The following CSMD3 variants were observed in gnomAD, a reference collection of about 807,000 sequenced individuals.
CSMD3 encodes the protein CUB and sushi domain-containing protein 3.
CSMD3 carries 177 observed loss-of-function variants against 435.2 expected under a neutral mutation model. The ratio of observed to expected loss-of-function variants is 0.41; its 90% CI spans 0.36 to 0.46. CSMD3 has a LOEUF of 0.46. Among genes scored for constraint, CSMD3 ranks in the 20% least tolerant of loss-of-function variants. CSMD3 has a pLI of 0.34. For synonymous variants in CSMD3, 1,656 were observed against 1,520.5 expected (o/e 1.09, Z -2.07); for missense variants, 4,265 against 4,504.6 (o/e 0.95, Z 1.52).
chr8:113,142,222 T>C (rs1449033110), intron 4 of CSMD3, among the ~76,000 whole-genome samples: 2 of 151,250 alleles, frequency 1.3e-5, no homozygotes, highest in Non-Finnish European at 3.0e-5. Context: ...TACTGTGATA[T>C]CTATAGAAAA....
chr8:112,297,298 A>G (rs1209275734), intron 53 of CSMD3, among the ~76,000 whole-genome samples: 3 of 151,732 alleles, frequency 2.0e-5, no homozygotes, highest in Non-Finnish European at 4.4e-5. Context: ...AAATGATTAT[A>G]AAGGACCAAA....
chr8:112,774,324 C>G (rs2132213758), intron 13 of CSMD3, among the ~76,000 whole-genome samples: 1 of 151,946 alleles, frequency 6.6e-6, no homozygotes, highest in East Asian at 1.9e-4. Flanking sequence ...AATTGTGGAA[C>G]TTATCTACAC....
At chr8:113,161,266 T>C (rs951408354) in intron 4 of CSMD3, among the ~76,000 whole-genome samples, 1 of 152,088 alleles carries the variant, frequency 6.6e-6, no homozygotes, top group East Asian at 1.9e-4. Flanking sequence ...CATTGGAAAG[T>C]TGCAAAGGTT....
chr8:112,636,538 T>TTCTTTCTA (rs761251750), intron 22 of CSMD3, among the ~76,000 whole-genome samples: 1 of 149,334 alleles, frequency 6.7e-6, no homozygotes, highest in Non-Finnish European at 1.5e-5. Flanking sequence ...TCTATCATAT[T>TTCTTTCTA]TCTATCTATC....
intron 13 of CSMD3, among the ~76,000 whole-genome samples, chr8:112,717,744 G>A (rs1007901693): frequency 6.6e-6 from 1 of 152,142 alleles, no homozygotes; most frequent in African/African-American, 2.4e-5. Context: ...AAAAAGGAAT[G>A]AGATCATGTC....
chr8:112,410,499 T>TAC (rs1252791870), intron 32 of CSMD3, among the ~76,000 whole-genome samples: 28 of 130,106 alleles, frequency 2.2e-4, no homozygotes, highest in African/African-American at 8.4e-4. Context: ...ACTCCAAATA[T>TAC]ATATATATAT....
intron 2 of CSMD3, chr8:113,313,191 T>C (rs745825295): frequency 6.6e-6 from 1 of 152,196 alleles, no homozygotes; most frequent in East Asian, 1.9e-4. Flanking sequence ...GTAGCGTAGA[T>C]TGCTCAAAAA....
chr8:113,094,061 A>G (rs956250346), intron 5 of CSMD3, among the ~76,000 whole-genome samples: 1 of 152,142 alleles, frequency 6.6e-6, no homozygotes, highest in Non-Finnish European at 1.5e-5. Context: ...TGCAACCTAC[A>G]TCTTACCAAT....
At chr8:113,130,329 G>C (rs1241193503) in intron 4 of CSMD3, among the ~76,000 whole-genome samples, 1 of 152,088 alleles carries the variant, frequency 6.6e-6, no homozygotes, top group Non-Finnish European at 1.5e-5. Flanking sequence ...GAGGCACCTG[G>C]TGGGAGGTGA....
chr8:112,737,460 G>C (rs1333741352), intron 13 of CSMD3, among the ~76,000 whole-genome samples: 1 of 151,892 alleles, frequency 6.6e-6, no homozygotes, highest in Non-Finnish European at 1.5e-5. Flanking sequence ...AGTACCTAAA[G>C]GCAGATTTTC....
intron 63 of CSMD3, among the ~76,000 whole-genome samples, chr8:112,252,278 T>A (rs114082836): frequency 2.8e-4 from 42 of 152,076 alleles, no homozygotes; most frequent in African/African-American, 9.4e-4. Flanking sequence ...ATTGAGATGA[T>A]CACTTTCTGT....
At chr8:113,234,143 G>T (rs1029735139) in intron 3 of CSMD3, among the ~76,000 whole-genome samples, 7 of 152,200 alleles carry the variant, frequency 4.6e-5, no homozygotes, top group Middle Eastern at 3.4e-3. Context: ...CAGAAGACAT[G>T]CAGAAATGTG....
chr8:113,175,122 C>T (rs973730564), intron 3 of CSMD3, among the ~76,000 whole-genome samples: 3 of 151,698 alleles, frequency 2.0e-5, no homozygotes, highest in African/African-American at 7.2e-5. Context: ...ATTAAAATAT[C>T]GATGTCAATA....
intron 3 of CSMD3, among the ~76,000 whole-genome samples, chr8:113,237,018 C>G (rs937556967): frequency 2.6e-5 from 4 of 152,136 alleles, no homozygotes; most frequent in South Asian, 2.1e-4. Flanking sequence ...ACAGGCCAGT[C>G]TGGGGTTCCC....
At chr8:112,713,408 C>T (rs1054534132) in intron 13 of CSMD3, among the ~76,000 whole-genome samples, 3 of 150,050 alleles carry the variant, frequency 2.0e-5, no homozygotes, top group Admixed American at 6.7e-5. Flanking sequence ...ACAAAACCTC[C>T]GAGAAATATG....
intron 13 of CSMD3, among the ~76,000 whole-genome samples, chr8:112,706,044 C>T (rs7821468): frequency 1.3e-5 from 2 of 151,756 alleles, no homozygotes; most frequent in Non-Finnish European, 2.9e-5. Context: ...GTGACAAATG[C>T]ACAATGTAAC....
At chr8:112,343,724 TAAACTC>T (rs1306787160) in intron 41 of CSMD3, among the ~76,000 whole-genome samples, 1 of 152,128 alleles carries the variant, frequency 6.6e-6, no homozygotes, top group Non-Finnish European at 1.5e-5. Flanking sequence ...CAGCTCACTG[TAAACTC>T]AAACTCCGGT....
At chr8:112,943,641 T>C (rs572057505) in intron 9 of CSMD3, among the ~76,000 whole-genome samples, 85 of 151,946 alleles carry the variant, frequency 5.6e-4, no homozygotes, top group Non-Finnish European at 9.9e-4. Context: ...CGGTGATTTT[T>C]ATTCCTTTAC....
chr8:112,679,843 T>A (rs1009976689), intron 16 of CSMD3, among the ~76,000 whole-genome samples: 1 of 152,054 alleles, frequency 6.6e-6, no homozygotes, highest in Non-Finnish European at 1.5e-5. Context: ...AGGGTGAGGC[T>A]CAGATAATGT....
Sources: allele counts gnomAD v4.1 joint callset (sites outside exome capture counted in the v4.1 genomes callset), GRCh38; gene constraint gnomAD v4.1.1; transcripts MANE v1.5; gene names NCBI Gene and HGNC (gene_info 2026-07-23, HGNC 2026-07-21).